The following NCSTN variants were observed in gnomAD, a reference collection of about 807,000 sequenced individuals.
NCSTN encodes the protein anterior pharynx-defective 2.
In NCSTN, 22 loss-of-function variants were observed where a neutral mutation model predicts 87.0. That is an observed-to-expected ratio of 0.25 (90% CI 0.18 to 0.36). The LOEUF is 0.36. Among genes scored for constraint, NCSTN ranks in the 10% least tolerant of loss-of-function variants. The pLI is 1.00. For synonymous variants in NCSTN, 306 were observed against 327.1 expected, an observed-to-expected ratio of 0.94 and a Z score of 0.69; for missense variants, 693 against 883.3, an observed-to-expected ratio of 0.78 and a Z score of 2.73.
intron 2 of NCSTN, among the ~76,000 whole-genome samples, chr1:160,348,232 G>A (rs1192309606): frequency 1.3e-5 from 2 of 152,168 alleles, no homozygotes; most frequent in African/African-American, 4.8e-5. Flanking sequence ...CTGGACTCTG[G>A]GTCATCCATC....
intron 3 of NCSTN, 76 bp from the exon 4 acceptor site, chr1:160,349,473 T>C (rs1411222569): frequency 6.3e-7 from 1 of 1,589,628 alleles, no homozygotes; most frequent in African/African-American, 1.3e-5. Flanking sequence ...CCCCATTTGT[T>C]TCCATCCTGC....
chr1:160,346,914 T>TA (rs1408795826), intron 2 of NCSTN, among the ~76,000 whole-genome samples: 1 of 152,234 alleles, frequency 6.6e-6, no homozygotes, highest in Non-Finnish European at 1.5e-5. Context: ...CCTCTGGACT[T>TA]AGTTTCTGAA....
chr1:160,348,304 A>G (rs898033986), intron 2 of NCSTN, among the ~76,000 whole-genome samples: 1 of 152,220 alleles, frequency 6.6e-6, no homozygotes, highest in Non-Finnish European at 1.5e-5. Flanking sequence ...TGTTATTTGT[A>G]TAGCATCCTG....
chr1:160,352,865 C>G, intron 8 of NCSTN, 22 bp from the exon 9 acceptor site: 1 of 1,591,890 alleles, frequency 6.3e-7, no homozygotes. Flanking sequence ...TGTTCCCCCT[C>G]CCACCTACCT....
chr1:160,354,401 C>T, intron 11 of NCSTN, 111 bp downstream of exon 11: 1 of 1,177,554 alleles, frequency 8.5e-7, no homozygotes, highest in South Asian at 1.2e-5. Context: ...TCCAGAACTT[C>T]AGGTCCATCT....
At chr1:160,348,861 A>G (rs1423582183) in intron 2 of NCSTN, 138 bp from the exon 3 acceptor site, 3 of 1,216,086 alleles carry the variant, frequency 2.5e-6, no homozygotes, top group South Asian at 1.2e-5. Flanking sequence ...ACAGCTTTTC[A>G]GTTCAAATCT....
rs755433439 is a variant in NCSTN at position 160,358,228 on chromosome 1, T to G, written c.2087T>G (p.Val696Gly). 2 of 1,614,028 alleles carry G rather than the reference T, an allele frequency of 1.2e-6. No homozygotes were observed. The highest frequency in any genetic ancestry group is 1.7e-6 in the Non-Finnish European group (2 of 1,180,030). The change falls in exon 17 of 17, where the codon GTC becomes GGC. Residue 696 changes from valine to glycine, a missense_variant. Coordinates refer to ENST00000294785, the MANE Select transcript of NCSTN (RefSeq NM_015331.3). ...TACTGCATCAATGCCAAAGCTGATG[T>G]CCTTTTCATTGCTCCCCGGGAGCCA... ...VTYCINAKADVLFIAPREPGA... is the reference protein window; with the variant it reads ...VTYCINAKADGLFIAPREPGA...
In NCSTN at chr1:160,344,717, A is replaced by T; in HGVS notation, c.86-5A>T. On this transcript the variant is annotated splice_polypyrimidine_tract_variant and splice_region_variant and intron_variant, in intron 1 of 16. Transcript: ENST00000294785. ...TTTTTCTAACACTTTTTATCTTCCGATCAGGTTTGTGCAGGGGAAACTCAG... is the reference window on the plus strand; with the variant it reads ...TTTTTCTAACACTTTTTATCTTCCGTTCAGGTTTGTGCAGGGGAAACTCAG... The T allele has an allele frequency of 6.2e-7, 1 of 1,613,514 alleles. No individual in the cohort carries two copies. The highest frequency in any genetic ancestry group is 8.5e-7 in the Non-Finnish European group (1 of 1,179,474).
At chr1:160,355,215 A>G (rs143076709) in intron 11 of NCSTN, among the ~76,000 whole-genome samples, 110 of 152,272 alleles carry the variant, frequency 7.2e-4, no homozygotes, top group Non-Finnish European at 1.4e-3. Flanking sequence ...GTATTCTTAT[A>G]TATCAGTGAG....
intron 14 of NCSTN, 56 bp downstream of exon 14, chr1:160,356,403 G>A: frequency 6.6e-7 from 1 of 1,507,636 alleles, no homozygotes; most frequent in Non-Finnish European, 9.2e-7. Flanking sequence ...TAGAGAAAAA[G>A]TCTTTTGGTT....
At position 160,348,990 on chromosome 1, in the gene NCSTN, T is replaced by C. The variant is rs1457191890; in HGVS notation, c.191-9T>C. ...GGGAGCTTTAATTTGACTCATTCTGTCCTGGCAGCTTCAATTAGTGGAGAC... is the reference window on the plus strand; with the variant it reads ...GGGAGCTTTAATTTGACTCATTCTGCCCTGGCAGCTTCAATTAGTGGAGAC... On this transcript the variant is annotated splice_polypyrimidine_tract_variant and intron_variant, in intron 2 of 16. Coordinates refer to ENST00000294785, the MANE Select transcript of NCSTN (RefSeq NM_015331.3). 1.9e-6 allele frequency: 3 copies of C among 1,614,072 alleles called. No homozygotes were observed. Among genetic ancestry groups the C allele is most frequent in the Middle Eastern group, 1.6e-4 (1 of 6,084 alleles).
chr1:160,343,470 T>C lies in NCSTN; in HGVS notation c.74T>C (p.Val25Ala). The C allele has an allele frequency of 1.2e-6, 2 of 1,609,886 alleles. No individual in the cohort carries two copies. Among genetic ancestry groups the C allele is most frequent in the South Asian group, 2.2e-5 (2 of 90,004 alleles). Residue 25 changes from valine (V) to alanine (A), a missense_variant, in exon 1 of 17, where the codon GTC becomes GCC. By Grantham distance (64) the Val-to-Ala change is moderately conservative. Around this residue, in one of 4 missense-constraint regions of NCSTN, gnomAD observed 235 missense variants for 233.9 expected, o/e 1.00. Coordinates refer to ENST00000294785, the MANE Select transcript of NCSTN (RefSeq NM_015331.3). ...CTCCTTCGCCTTCTGTCTTTCTGCG[T>C]CCTACTAGCAGGTGAGGCCTCCCCG... ...RGLLRLLSFC[V>A]LLAGLCRGNS...
At chr1:160,353,392 G>A (rs1393090910) in intron 10 of NCSTN, 155 bp downstream of exon 10, 3 of 1,523,714 alleles carry the variant, frequency 2.0e-6, no homozygotes, top group African/African-American at 1.4e-5. Context: ...CACAGCTGTT[G>A]TTGCTGCTGG....
At position 160,344,764 on chromosome 1, in the gene NCSTN, C is replaced by T. The variant is rs762493645; in HGVS notation, c.128C>T (p.Pro43Leu). ...GNSVERKIYI[P>L]LNKTAPCVRL... ...TCAGTGGAGAGGAAGATATATATCCCCTTAAATAAAACAGCTCCCTGTGTT... is the reference window on the plus strand; with the variant it reads ...TCAGTGGAGAGGAAGATATATATCCTCTTAAATAAAACAGCTCCCTGTGTT... Residue 43 changes from proline (P) to leucine (L), a missense_variant, in exon 2 of 17, where the codon CCC becomes CTC. By Grantham distance (98) the Pro-to-Leu change is moderately conservative. Around this residue, in one of 4 missense-constraint regions of NCSTN, gnomAD observed 235 missense variants for 233.9 expected, o/e 1.00. Transcript: ENST00000294785. 5.0e-6 allele frequency: 8 copies of T among 1,614,014 alleles called. No individual in the cohort carries two copies. Among genetic ancestry groups the T allele is most frequent in the Non-Finnish European group, 5.9e-6 (7 of 1,180,018 alleles).
chr1:160,357,915 G>A (rs1341020658), intron 16 of NCSTN, among the ~76,000 whole-genome samples: 2 of 152,160 alleles, frequency 1.3e-5, no homozygotes, highest in African/African-American at 2.4e-5. Context: ...CTTTCAAAAT[G>A]CCTAAAATCT....
intron 2 of NCSTN, among the ~76,000 whole-genome samples, chr1:160,347,914 G>A (rs960927907): frequency 6.6e-6 from 1 of 152,204 alleles, no homozygotes; most frequent in South Asian, 2.1e-4. Context: ...GTGCCCGGCC[G>A]AAGTTATATA....
At chr1:160,343,965 T>TTTTTTG (rs1234848279) in intron 1 of NCSTN, 1 of 273,170 alleles carries the variant, frequency 3.7e-6, no homozygotes, top group African/African-American at 2.4e-5. Flanking sequence ...TTTTTTTTTT[T>TTTTTTG]TTTTTTTTTT....
intron 2 of NCSTN, among the ~76,000 whole-genome samples, chr1:160,347,939 C>T (rs544174090): frequency 1.3e-5 from 2 of 152,336 alleles, no homozygotes; most frequent in South Asian, 4.1e-4. Context: ...TTAGTTGCCA[C>T]ACTATCTGTT....
At position 160,358,450 on chromosome 1, in the gene NCSTN, C is replaced by T. The variant is rs1649243663; in HGVS notation, c.*179C>T. The T allele has an allele frequency of 2.6e-6, 2 of 765,206 alleles. No individual in the cohort carries two copies. The highest frequency in any genetic ancestry group is 4.4e-6 in the Non-Finnish European group (2 of 456,524). 47.4% of individuals were successfully genotyped at this position (765,206 alleles called of 1,614,324 possible). The stretch of plus-strand genomic sequence containing the variant: ...GAGAAATAAATAAATTGCCTCCCTT[C>T]CTCCGCTCCCCTTTCCCATCACCCC... On this transcript the variant is annotated 3_prime_UTR_variant, in exon 17 of 17. Coordinates refer to ENST00000294785, the MANE Select transcript of NCSTN (RefSeq NM_015331.3).
Sources: allele counts gnomAD v4.1 joint callset (sites outside exome capture counted in the v4.1 genomes callset), GRCh38; gene constraint gnomAD v4.1.1; regional missense constraint gnomAD v4.1.1; transcripts MANE v1.5; gene names NCBI Gene and HGNC (gene_info 2026-07-23, HGNC 2026-07-21).